TMEM144: variants seen among roughly 807,000 people sequenced by gnomAD.
The protein encoded by TMEM144 is transmembrane protein 144.
A neutral mutation model predicts 43.6 loss-of-function variants in TMEM144; 39 were observed. The ratio of observed to expected loss-of-function variants is 0.90; its 90% CI spans 0.69 to 1.17. The LOEUF is 1.17. Among genes scored for constraint, TMEM144 ranks in the 50% most tolerant of loss-of-function variants. TMEM144 has a pLI of 0.00. For missense variants in TMEM144, 417 were observed against 411.9 expected (o/e 1.01, Z -0.11); for synonymous variants, 154 against 133.6 (o/e 1.15, Z -1.06).
At chr4:158,232,497 A>G (rs961975347) in intron 6 of TMEM144, among the ~76,000 whole-genome samples, 3 of 152,242 alleles carry the variant, frequency 2.0e-5, no homozygotes, top group Non-Finnish European at 2.9e-5. Context: ...ACAGTTCTGC[A>G]CTTCTATCAG....
rs958190291 is a variant in TMEM144, at chr4:158,253,601, G to A, written c.*74G>A. The A allele has an allele frequency of 8.0e-7, 1 of 1,251,400 alleles. No individual in the cohort carries two copies. Among genetic ancestry groups the A allele is most frequent in the African/African-American group, 1.5e-5 (1 of 66,710 alleles). 77.5% of individuals were successfully genotyped at this position (1,251,400 alleles called of 1,614,324 possible). A position where few individuals can be genotyped will look rare whatever the true frequency, so the allele number is the denominator to read the frequency against. On this transcript the variant is annotated 3_prime_UTR_variant, in exon 13 of 13. Coordinates refer to ENST00000296529, the MANE Select transcript of TMEM144 (RefSeq NM_018342.5). ...TCGGACAGCGGAGAGATCATGCTGA[G>A]AAAAGAGTGCATTTTCATATAGCAA... is the stretch of plus-strand genomic sequence containing the variant.
intron 6 of TMEM144, among the ~76,000 whole-genome samples, chr4:158,220,345 C>T (rs1734451822): frequency 6.6e-6 from 1 of 152,210 alleles, no homozygotes; most frequent in African/African-American, 2.4e-5. Context: ...AATTCTAGCT[C>T]TGAATAGCTC....
rs762163846 is a variant in TMEM144 at position 158,215,236 on chromosome 4, C to A, written c.155C>A (p.Ala52Asp). The part of the protein sequence containing the change: ...WVLCAAIWLV[A>D]LVVNLILHCP... The stretch of plus-strand genomic sequence containing the variant: ...CTTTGTGCTGCCATATGGTTGGTTG[C>A]CTTGGTTGTCAATCTGATATTACAT... Residue 52 changes from alanine to aspartate, a missense_variant, in exon 4 of 13, where the codon GCC (alanine) becomes GAC (aspartate). Coordinates refer to ENST00000296529, the MANE Select transcript of TMEM144 (RefSeq NM_018342.5). 1 of 1,613,808 alleles carries A rather than the reference C, an allele frequency of 6.2e-7. No individual in the cohort carries two copies. The highest frequency in any genetic ancestry group is 2.2e-5 in the East Asian group (1 of 44,864).
intron 12 of TMEM144, among the ~76,000 whole-genome samples, chr4:158,251,612 C>A (rs2111158890): frequency 6.6e-6 from 1 of 152,294 alleles, no homozygotes; most frequent in South Asian, 2.1e-4. Flanking sequence ...TGGATTTGCC[C>A]TAGGTTTCAC....
chr4:158,230,790 T>C (rs953454636), intron 6 of TMEM144, among the ~76,000 whole-genome samples: 2 of 152,126 alleles, frequency 1.3e-5, no homozygotes, highest in African/African-American at 4.8e-5. Context: ...AAAGGTGTGA[T>C]AACTTTCTTC....
rs917560271 is a variant in TMEM144, at chr4:158,255,295, C to T, written c.*1768C>T. 3 of 151,560 alleles carry T rather than the reference C, an allele frequency of 2.0e-5. No homozygotes were observed. The highest frequency in any genetic ancestry group is 7.3e-5 in the African/African-American group (3 of 41,322). 9.4% of individuals were successfully genotyped at this position (151,560 alleles called of 1,614,324 possible). On this transcript the variant is annotated 3_prime_UTR_variant, in exon 13 of 13. Transcript: ENST00000296529. The stretch of plus-strand genomic sequence containing the variant: ...ATTGTGATACAAAAGCTATTTTTCT[C>T]ATTTAAATATATTTTAGAATTTTAT...
rs2111162013 is a variant in TMEM144, at chr4:158,253,695, T to C, written c.*168T>C. On this transcript the variant is annotated 3_prime_UTR_variant, in exon 13 of 13. Coordinates refer to ENST00000296529, the MANE Select transcript of TMEM144 (RefSeq NM_018342.5). ...CCAAAAATGTGAGAATGAAGGAAGA[T>C]TGAGTTTCATTCAAGTATAAAAATG... is the stretch of plus-strand genomic sequence containing the variant. The C allele has an allele frequency of 1.7e-6, 1 of 588,618 alleles. No homozygotes were observed. Among genetic ancestry groups the C allele is most frequent in the South Asian group, 2.1e-5 (1 of 47,028 alleles). 36.5% of individuals were successfully genotyped at this position (588,618 alleles called of 1,614,324 possible).
At chr4:158,250,217 T>C (rs866396981) in intron 12 of TMEM144, among the ~76,000 whole-genome samples, 1 of 133,664 alleles carries the variant, frequency 7.5e-6, no homozygotes, top group African/African-American at 2.8e-5. Context: ...TATATATATA[T>C]ATATATATAT....
intron 6 of TMEM144, among the ~76,000 whole-genome samples, 177 bp downstream of exon 6, chr4:158,219,567 G>A (rs1560822518): frequency 6.6e-6 from 1 of 152,160 alleles, no homozygotes; most frequent in Non-Finnish European, 1.5e-5. Context: ...AGATTTGGGG[G>A]CAGGGGCAGC....
intron 9 of TMEM144, among the ~76,000 whole-genome samples, chr4:158,238,687 A>G (rs1266245602): frequency 6.6e-6 from 1 of 152,222 alleles, no homozygotes; most frequent in African/African-American, 2.4e-5. Flanking sequence ...GAAAGGAGGC[A>G]TAAATTTGGC....
rs1560822274 is a variant in TMEM144, at chr4:158,219,319, GT to G, written c.345del (p.Phe115LeufsTer13). ...TGWASSRFGW[F>X]GLDAEEVSNP... ...CTTTCTGGATTTTCAGGTTTGGCTGGTTTGGATTGGATGCAGAAGAAGTATC... is the reference window on the plus strand; with the variant it reads ...CTTTCTGGATTTTCAGGTTTGGCTGGTTGGATTGGATGCAGAAGAAGTATC... On this transcript the variant is annotated frameshift_variant, in exon 6 of 13. Coordinates refer to ENST00000296529, the MANE Select transcript of TMEM144 (RefSeq NM_018342.5). LOFTEE classifies it high-confidence loss of function. 6.8e-6 allele frequency: 11 copies of G among 1,613,796 alleles called. No homozygotes were observed. The highest frequency in any genetic ancestry group is 7.6e-6 in the Non-Finnish European group (9 of 1,179,810).
At chr4:158,233,081 C>T (rs900211927) in intron 7 of TMEM144, 99 bp downstream of exon 7, 4 of 853,314 alleles carry the variant, frequency 4.7e-6, no homozygotes, top group African/African-American at 3.5e-5. Context: ...GGTGTTTGCT[C>T]ATCACTCCTG....
At chr4:158,214,968 T>TTA (rs1734143962) in intron 3 of TMEM144, among the ~76,000 whole-genome samples, 1 of 152,196 alleles carries the variant, frequency 6.6e-6, no homozygotes, top group Admixed American at 6.5e-5. Flanking sequence ...AACAAACTAC[T>TTA]AGCTGTTTGG....
chr4:158,242,651 C>T (rs1735687720), intron 11 of TMEM144, among the ~76,000 whole-genome samples: 1 of 151,920 alleles, frequency 6.6e-6, no homozygotes, highest in Admixed American at 6.6e-5. Context: ...TAGCAAATAA[C>T]ATTCCATTAA....
At chr4:158,224,670 A>C (rs946557646) in intron 6 of TMEM144, among the ~76,000 whole-genome samples, 3 of 152,214 alleles carry the variant, frequency 2.0e-5, no homozygotes, top group African/African-American at 7.2e-5. Flanking sequence ...GAGGAAGGTC[A>C]GTTGAAGTCC....
At position 158,240,289 on chromosome 4, in the gene TMEM144, C is replaced by T; in HGVS notation, c.683-10C>T. On this transcript the variant is annotated splice_polypyrimidine_tract_variant and intron_variant, in intron 9 of 12. Coordinates refer to ENST00000296529, the MANE Select transcript of TMEM144 (RefSeq NM_018342.5). ...AATGGTGTTTGAGAGTTTTTAATGT[C>T]TATTTTCAGATTTAGACTATGTGTT... 2 of 1,597,518 alleles carry T rather than the reference C, an allele frequency of 1.3e-6. No individual in the cohort carries two copies. The highest frequency in any genetic ancestry group is 1.7e-6 in the Non-Finnish European group (2 of 1,175,010).
At chr4:158,248,935 C>T (rs1177889684) in intron 12 of TMEM144, among the ~76,000 whole-genome samples, 2 of 152,174 alleles carry the variant, frequency 1.3e-5, no homozygotes, top group African/African-American at 4.8e-5. Context: ...GAGATGGAGT[C>T]TCGCTCTGTT....
At chr4:158,246,495 A>G (rs1000268334) in intron 12 of TMEM144, among the ~76,000 whole-genome samples, 7 of 152,200 alleles carry the variant, frequency 4.6e-5, no homozygotes, top group Admixed American at 4.6e-4. Flanking sequence ...ACATTCTCAG[A>G]TTTAAAAAAT....
At chr4:158,217,551 A>T (rs1734289007) in intron 5 of TMEM144, 131 bp downstream of exon 5, 1 of 614,970 alleles carries the variant, frequency 1.6e-6, no homozygotes, top group African/African-American at 1.9e-5. Flanking sequence ...CATACACATC[A>T]TATATGCCAC....
Sources: allele counts gnomAD v4.1 joint callset (sites outside exome capture counted in the v4.1 genomes callset), GRCh38; gene constraint gnomAD v4.1.1; transcripts MANE v1.5; gene names NCBI Gene and HGNC (gene_info 2026-07-23, HGNC 2026-07-21).